The following PKHD1 variants were observed in gnomAD, a reference collection of about 807,000 sequenced individuals.
PKHD1 encodes the protein PKHD1 ciliary IPT domain containing fibrocystin/polyductin.
Under a neutral mutation model 412.0 loss-of-function variants are expected in PKHD1, and 291 were observed. The ratio of observed to expected loss-of-function variants is 0.71; its 90% CI spans 0.64 to 0.78. PKHD1 has a LOEUF of 0.78. PKHD1 is among the 30% of genes least tolerant of loss of function. The pLI is 0.00. For synonymous variants in PKHD1, 1,777 were observed against 1,821.5 expected, an observed-to-expected ratio of 0.98 and a Z score of 0.62; for missense variants, 4,825 against 4,950.7, an observed-to-expected ratio of 0.97 and a Z score of 0.76.
chr6:51,768,867 T>C (rs1452840544), intron 55 of PKHD1, among the ~76,000 whole-genome samples: 2 of 151,702 alleles, frequency 1.3e-5, no homozygotes, highest in African/African-American at 4.8e-5. Flanking sequence ...ATAAATAGCA[T>C]TAATTTAAAA....
At chr6:51,869,668 T>C (rs576641195) in intron 47 of PKHD1, among the ~76,000 whole-genome samples, 1 of 152,098 alleles carries the variant, frequency 6.6e-6, no homozygotes, top group Admixed American at 6.6e-5. Context: ...ATTAAAGAAT[T>C]GAGGAATTGC....
At chr6:51,647,388 C>T (rs755833710) in intron 63 of PKHD1, among the ~76,000 whole-genome samples, 1 of 152,138 alleles carries the variant, frequency 6.6e-6, no homozygotes, top group Non-Finnish European at 1.5e-5. Flanking sequence ...TGTTGCCAAA[C>T]TATCTTGGGC....
intron 52 of PKHD1, among the ~76,000 whole-genome samples, chr6:51,795,989 T>C (rs72893391): frequency 1.2e-3 from 186 of 151,896 alleles, no homozygotes; most frequent in Non-Finnish European, 2.0e-3. Flanking sequence ...TGTCTTATTG[T>C]CAGGTTTTAG....
At chr6:51,721,904 G>C in intron 60 of PKHD1, 1 of 1,607,182 alleles carries the variant, frequency 6.2e-7, no homozygotes, top group East Asian at 2.2e-5. Context: ...TTTCCATTTG[G>C]TCCATGCTCC....
At chr6:52,008,180 C>T (rs916126656) in intron 35 of PKHD1, among the ~76,000 whole-genome samples, 1 of 152,190 alleles carries the variant, frequency 6.6e-6, no homozygotes, top group African/African-American at 2.4e-5. Context: ...TGGCTTACTT[C>T]CCCCACAATG....
intron 54 of PKHD1, among the ~76,000 whole-genome samples, chr6:51,774,109 T>G (rs1162220009): frequency 6.6e-6 from 1 of 151,966 alleles, no homozygotes; most frequent in East Asian, 1.9e-4. Flanking sequence ...AAAAAGCAGT[T>G]CATGTCCTTA....
intron 60 of PKHD1, 91 bp downstream of exon 60, chr6:51,744,294 G>A (rs186537497): frequency 4.7e-5 from 52 of 1,115,188 alleles, no homozygotes; most frequent in Non-Finnish European, 6.6e-5. Context: ...GTCTTCACCA[G>A]TACATTTCAT....
At chr6:52,008,835 A>T (rs1190775877) in intron 35 of PKHD1, among the ~76,000 whole-genome samples, 2 of 152,168 alleles carry the variant, frequency 1.3e-5, no homozygotes, top group African/African-American at 2.4e-5. Flanking sequence ...GAAGCAAGTG[A>T]TGTATTCAAA....
intron 66 of PKHD1, chr6:51,622,623 T>A (rs1371017502): frequency 6.6e-6 from 1 of 152,204 alleles, no homozygotes; most frequent in African/African-American, 2.4e-5. Flanking sequence ...TTCTTCTTAA[T>A]AAGCAATGTA....
Position 51,646,398 on chromosome 6 carries a change from A to G in PKHD1, c.11398+1633T>C, listed in dbSNP as rs147303811. 5.4e-4 allele frequency among the ~76,000 whole-genome samples: 82 copies of G among 152,300 alleles called. No homozygotes were observed. In the Middle Eastern group the frequency reaches 0.014, roughly 25 times the overall value. On this transcript the variant is annotated intron_variant, in intron 63 of 66. Transcript: ENST00000371117. ...TGTGTTGGGAGATTGACTGCACACA[A>G]TAGGGAGAAGGCTCCTGGTAGGAAG...
rs542909682 is a variant in PKHD1, at chr6:51,898,225, C to A, written c.6996+5372G>T. 7.7e-3 allele frequency among the ~76,000 whole-genome samples: 1,167 copies of A among 151,590 alleles called. 15 individuals are homozygous for A. Among genetic ancestry groups the A allele is most frequent in the African/African-American group, 0.026 (1,061 of 41,238 alleles). On this transcript the variant is annotated intron_variant, in intron 43 of 66. Transcript: ENST00000371117. Reference sequence around the variant, plus strand: ...ACAGAATATACATTTTTTTCAGCACCACACCACACCTATTCCAAAATTGAC... The same window carrying A: ...ACAGAATATACATTTTTTTCAGCACAACACCACACCTATTCCAAAATTGAC...
At chr6:51,948,723 G>A (rs1186443622) in intron 36 of PKHD1, among the ~76,000 whole-genome samples, 1 of 152,106 alleles carries the variant, frequency 6.6e-6, no homozygotes, top group African/African-American at 2.4e-5. Flanking sequence ...TGTAGAGTAA[G>A]AACAGAAGAA....
intron 60 of PKHD1, among the ~76,000 whole-genome samples, chr6:51,700,996 G>A (rs1779344492): frequency 6.6e-6 from 1 of 152,092 alleles, no homozygotes; most frequent in Admixed American, 6.6e-5. Context: ...GTTTATTCAA[G>A]TTAAATTTAG....
At chr6:51,992,415 G>A (rs956952303) in intron 35 of PKHD1, among the ~76,000 whole-genome samples, 39 of 152,180 alleles carry the variant, frequency 2.6e-4, no homozygotes, top group African/African-American at 9.4e-4. Context: ...ATTTATCCAA[G>A]TGAAGTTATG....
At chr6:51,643,392 A>G (rs1327994714) in intron 63 of PKHD1, among the ~76,000 whole-genome samples, 1 of 127,374 alleles carries the variant, frequency 7.9e-6, no homozygotes, top group Non-Finnish European at 1.7e-5. Context: ...ACATTAAAAA[A>G]ATAAAAAAAA....
At chr6:51,858,735 A>C (rs1030231020) in intron 48 of PKHD1, among the ~76,000 whole-genome samples, 1 of 152,200 alleles carries the variant, frequency 6.6e-6, no homozygotes, top group African/African-American at 2.4e-5. Flanking sequence ...ATATAGTGGG[A>C]GTTTAACAAA....
chr6:51,649,090 C>T lies in PKHD1; in HGVS notation c.11305G>A (p.Glu3769Lys). 1 of 1,613,616 alleles carries T rather than the reference C, an allele frequency of 6.2e-7. No homozygotes were observed. The highest frequency in any genetic ancestry group is 1.1e-5 in the South Asian group (1 of 91,072). Residue 3769 changes from glutamate (E) to lysine (K), a missense_variant, in exon 62 of 67, where the codon GAG becomes AAG. Glu to Lys is a moderately conservative substitution (Grantham distance 56, BLOSUM62 1). Coordinates refer to ENST00000371117, the MANE Select transcript of PKHD1 (RefSeq NM_138694.4). Reference protein sequence around the residue: ...PVQPQLVFLDEQNRRVESLGP... With the variant: ...PVQPQLVFLDKQNRRVESLGP... ...TGTTACCTGTGAAAAGTTACCTGCTCATCCAAAAATACCAATTGTGGCTGC... is the reference window on the plus strand; with the variant it reads ...TGTTACCTGTGAAAAGTTACCTGCTTATCCAAAAATACCAATTGTGGCTGC...
At chr6:51,752,399 C>T (rs773405050) in intron 57 of PKHD1, among the ~76,000 whole-genome samples, 2 of 152,162 alleles carry the variant, frequency 1.3e-5, no homozygotes, top group African/African-American at 4.8e-5. Flanking sequence ...CAGAAATCAC[C>T]ACTGATAACG....
intron 18 of PKHD1, among the ~76,000 whole-genome samples, chr6:52,056,431 G>A (rs371839380): frequency 1.3e-5 from 2 of 151,812 alleles, no homozygotes; most frequent in South Asian, 2.1e-4. Flanking sequence ...TTTTCCCACC[G>A]TGTGGCATGG....
Sources: gnomAD v4.1 joint callset for allele counts (sites outside exome capture counted in the v4.1 genomes callset) on GRCh38, gnomAD v4.1.1 for gene constraint, MANE v1.5 for transcripts, NCBI Gene and HGNC (gene_info 2026-07-23, HGNC 2026-07-21) for gene names.